The following HACL1 variants were observed in gnomAD, a reference collection of about 807,000 sequenced individuals.
HACL1 encodes 1600020H07Rik.
In HACL1, 64 loss-of-function variants were observed where a neutral mutation model predicts 74.2. The observed-to-expected ratio is 0.86, with a 90% confidence interval of 0.70 to 1.06. The LOEUF (loss-of-function observed/expected upper bound fraction) is 1.06, where lower values mean the gene tolerates loss of function less well. Ranked by LOEUF, HACL1 falls within the 50% of genes least tolerant of loss-of-function variation. The pLI is 0.00. For synonymous variants in HACL1, 230 were observed against 238.8 expected, an observed-to-expected ratio of 0.96 and a Z score of 0.34; for missense variants, 728 against 719.7, an observed-to-expected ratio of 1.01 and a Z score of -0.13.
chr3:15,577,385 A>C (rs1559552917), intron 9 of HACL1, among the ~76,000 whole-genome samples: 1 of 152,084 alleles, frequency 6.6e-6, no homozygotes, highest in African/African-American at 2.4e-5. Flanking sequence ...GAAGAACACC[A>C]AACACATGAC....
In HACL1 at chr3:15,596,116, G is replaced by A. The variant is rs534913189; in HGVS notation, c.227+268C>T. On this transcript the variant is annotated intron_variant, in intron 3 of 16. Transcript: ENST00000321169. ...GTATTAAGTGTGCTGGGGTAGTTGT[G>A]AGATCCAAGACAAGGTATCATACAT... The A allele has an allele frequency of 7.3e-5, 27 of 369,328 alleles. No homozygotes were observed. In the East Asian group the frequency reaches 1.3e-3, roughly 18 times the overall value. The allele number at this position is 369,328 out of a possible 1,614,324, so 22.9% of individuals were successfully genotyped here. A position where few individuals can be genotyped will look rare whatever the true frequency, so the allele number is the denominator to read the frequency against.
chr3:15,581,474 C>T (rs888290436), intron 8 of HACL1, among the ~76,000 whole-genome samples: 2 of 152,192 alleles, frequency 1.3e-5, no homozygotes, highest in Non-Finnish European at 2.9e-5. Flanking sequence ...AATCCCTTCT[C>T]ATACATGTAT....
At chr3:15,567,039 C>CT (rs756213232) in intron 14 of HACL1, among the ~76,000 whole-genome samples, 2 of 151,718 alleles carry the variant, frequency 1.3e-5, no homozygotes, top group African/African-American at 2.4e-5. Context: ...AGACTGGTCT[C>CT]TAACTCCTGA....
intron 2 of HACL1, among the ~76,000 whole-genome samples, chr3:15,596,811 T>C (rs986377447): frequency 4.6e-5 from 7 of 152,196 alleles, no homozygotes; most frequent in Admixed American, 4.6e-4. Flanking sequence ...TCGAAAATTT[T>C]TGTTGGTTTT....
At chr3:15,569,855 T>C (rs1381858528) in intron 12 of HACL1, among the ~76,000 whole-genome samples, 1 of 148,326 alleles carries the variant, frequency 6.7e-6, no homozygotes, top group Non-Finnish European at 1.5e-5. Context: ...CCAGGCATGG[T>C]GCCAGCTACC....
intron 2 of HACL1, 32 bp downstream of exon 2, chr3:15,601,058 T>G (rs759891142): frequency 1.5e-6 from 2 of 1,301,728 alleles, no homozygotes; most frequent in Admixed American, 3.4e-5. Flanking sequence ...TCATTCCCAG[T>G]AACGCATTCA....
chr3:15,579,356 G>A (rs1294955798), intron 9 of HACL1, among the ~76,000 whole-genome samples: 1 of 152,112 alleles, frequency 6.6e-6, no homozygotes, highest in Non-Finnish European at 1.5e-5. Context: ...ACCCCATCAT[G>A]AAGTATAGAA....
rs2063565738 is a variant in HACL1 at position 15,573,160 on chromosome 3, T to C, written c.992A>G (p.Gln331Arg). Residue 331 changes from glutamine to arginine, a missense_variant and splice_region_variant, in exon 11 of 17, where the codon CAG (glutamine) becomes CGG (arginine). Transcript: ENST00000321169. ...ATAAACTAAAACAAAAGTTCTCACC[T>C]GCTTAGTGACAGCATGTATGTTTCC... is the stretch of plus-strand genomic sequence containing the variant. ...LLGNIHAVTK[Q>R]LLEELDKTPW... The C allele has an allele frequency of 6.3e-7, 1 of 1,575,386 alleles. No individual in the cohort carries two copies. Among genetic ancestry groups the C allele is most frequent in the Non-Finnish European group, 8.7e-7 (1 of 1,144,806 alleles).
intron 5 of HACL1, among the ~76,000 whole-genome samples, chr3:15,588,460 G>T (rs1287872732): frequency 1.3e-5 from 2 of 152,114 alleles, no homozygotes; most frequent in Admixed American, 1.3e-4. Context: ...GGGCATGGTG[G>T]CGTGTGCCTA....
intron 3 of HACL1, 47 bp downstream of exon 3, chr3:15,596,337 T>C (rs2125292875): frequency 3.0e-6 from 3 of 987,032 alleles, no homozygotes; most frequent in South Asian, 1.3e-5. Flanking sequence ...GTAATAGTTC[T>C]ACCCCAAAAT....
intron 4 of HACL1, among the ~76,000 whole-genome samples, chr3:15,590,646 TA>T: frequency 6.6e-6 from 1 of 152,314 alleles, no homozygotes; most frequent in South Asian, 2.1e-4. Context: ...TCTTCCTACC[TA>T]TGCAAAACAA....
At chr3:15,566,645 G>T (rs1358329477) in intron 14 of HACL1, among the ~76,000 whole-genome samples, 1 of 151,278 alleles carries the variant, frequency 6.6e-6, no homozygotes, top group East Asian at 1.9e-4. Context: ...GACAAAGCAA[G>T]ACCCCATCTT....
intron 14 of HACL1, among the ~76,000 whole-genome samples, chr3:15,567,376 A>ATTT (rs1021804368): frequency 2.1e-5 from 3 of 140,286 alleles, no homozygotes; most frequent in Non-Finnish European, 4.7e-5. Context: ...CGTCTGGCTA[A>ATTT]TTTTTTTTTT....
chr3:15,582,849 G>T, intron 8 of HACL1, 28 bp downstream of exon 8: 1 of 1,134,406 alleles, frequency 8.8e-7, no homozygotes, highest in Non-Finnish European at 1.3e-6. Flanking sequence ...CAAAAGCCTA[G>T]CAAGATTTAG....
intron 16 of HACL1, among the ~76,000 whole-genome samples, chr3:15,562,847 C>T (rs964506596): frequency 9.9e-5 from 15 of 152,170 alleles, no homozygotes; most frequent in African/African-American, 3.6e-4. Context: ...TCTCCCTCTT[C>T]CTCAGACTTG....
At chr3:15,599,946 A>AT (rs1211510464) in intron 2 of HACL1, among the ~76,000 whole-genome samples, 1 of 152,214 alleles carries the variant, frequency 6.6e-6, no homozygotes, top group African/African-American at 2.4e-5. Context: ...CAATAGCTTC[A>AT]TTTTTTCACA....
chr3:15,574,078 C>G (rs2063580763), intron 10 of HACL1, among the ~76,000 whole-genome samples: 1 of 152,192 alleles, frequency 6.6e-6, no homozygotes, highest in African/African-American at 2.4e-5. Flanking sequence ...CATCAAACAT[C>G]AAGCAACCCA....
intron 2 of HACL1, among the ~76,000 whole-genome samples, chr3:15,598,221 A>G (rs1235350406): frequency 1.3e-5 from 2 of 152,046 alleles, no homozygotes; most frequent in African/African-American, 2.4e-5. Flanking sequence ...GGGTTTCTCC[A>G]TGTTGGTCAG....
chr3:15,581,342 A>G (rs2063713673), intron 8 of HACL1, among the ~76,000 whole-genome samples: 1 of 152,100 alleles, frequency 6.6e-6, no homozygotes, highest in Non-Finnish European at 1.5e-5. Context: ...GCTATTTTAT[A>G]ATTTTTCAAG....
Sources: gnomAD v4.1 joint callset for allele counts (sites outside exome capture counted in the v4.1 genomes callset) on GRCh38, gnomAD v4.1.1 for gene constraint, MANE v1.5 for transcripts, NCBI Gene and HGNC (gene_info 2026-07-23, HGNC 2026-07-21) for gene names.